GRK5: variants seen among roughly 807,000 people sequenced by gnomAD.
GRK5 encodes the protein g protein-coupled receptor kinase GRK5.
GRK5 carries 40 observed loss-of-function variants against 78.4 expected under a neutral mutation model. That is an observed-to-expected ratio of 0.51 (90% CI 0.40 to 0.66). The LOEUF is 0.66. Among genes scored for constraint, GRK5 ranks in the 30% least tolerant of loss-of-function variants. GRK5 has a pLI of 0.00. For synonymous variants in GRK5, 289 were observed against 296.8 expected (o/e 0.97, Z 0.27); for missense variants, 598 against 759.9 (o/e 0.79, Z 2.50).
chr10:119,233,437 G>A (rs954858835), intron 1 of GRK5, among the ~76,000 whole-genome samples: 2 of 152,116 alleles, frequency 1.3e-5, no homozygotes, highest in Non-Finnish European at 2.9e-5. Flanking sequence ...AGGGAAACTT[G>A]GAGCTCTTGG....
chr10:119,433,715 C>T (rs963735590), intron 8 of GRK5, among the ~76,000 whole-genome samples: 4 of 152,198 alleles, frequency 2.6e-5, no homozygotes, highest in African/African-American at 9.7e-5. Context: ...TGTGTGCCAC[C>T]TCCCTATGTG....
chr10:119,215,093 A>C (rs1221325046), intron 1 of GRK5, among the ~76,000 whole-genome samples: 1 of 152,226 alleles, frequency 6.6e-6, no homozygotes, highest in Non-Finnish European at 1.5e-5. Context: ...GGAATGACCG[A>C]AAAGATTAAA....
At chr10:119,416,580 T>G (rs1044925057) in intron 4 of GRK5, among the ~76,000 whole-genome samples, 1 of 37,998 alleles carries the variant, frequency 2.6e-5, no homozygotes, top group Non-Finnish European at 4.4e-5. Flanking sequence ...TTGATCGCTC[T>G]CTCTCTCTCT....
intron 6 of GRK5, among the ~76,000 whole-genome samples, chr10:119,429,862 G>A (rs1852780031): frequency 6.6e-6 from 1 of 152,148 alleles, no homozygotes; most frequent in African/African-American, 2.4e-5. Flanking sequence ...GTGCCCTCAG[G>A]AAGGAATAAG....
intron 1 of GRK5, among the ~76,000 whole-genome samples, chr10:119,307,827 T>C (rs73445476): frequency 0.022 from 3,296 of 152,232 alleles, 133 homozygotes; most frequent in African/African-American, 0.076. Context: ...GGTAACAACC[T>C]CATCTTGCCA....
rs150429462 is a variant in GRK5 at position 119,285,900 on chromosome 10, G to A, written c.53-40616G>A. Among the ~76,000 whole-genome samples the A allele has an allele frequency of 7.9e-5, 12 of 152,156 alleles. No individual in the cohort carries two copies. The East Asian group carries it at 2.3e-3, about 29-fold the overall frequency. ...TGACTTCCTGGCAGAACGTCCTTGG[G>A]CAAGGCTCAGCTTCCCTGTCTGCAA... On this transcript the variant is annotated intron_variant, in intron 1 of 15. Transcript: ENST00000392870.
chr10:119,395,449 G>A (rs966749638), intron 3 of GRK5, among the ~76,000 whole-genome samples: 5 of 152,188 alleles, frequency 3.3e-5, no homozygotes, highest in African/African-American at 4.8e-5. Flanking sequence ...CTGCATGGTG[G>A]GACGCCTGGG....
At chr10:119,405,850 C>T (rs757519610) in intron 4 of GRK5, among the ~76,000 whole-genome samples, 2 of 152,168 alleles carry the variant, frequency 1.3e-5, no homozygotes, top group African/African-American at 2.4e-5. Flanking sequence ...ACCTATACAA[C>T]GATTTTCTTT....
Position 119,379,091 on chromosome 10 carries a change from T to C in GRK5, c.149-1724T>C, listed in dbSNP as rs1483922367. Among the ~76,000 whole-genome samples, 1 of 152,156 alleles carries C rather than the reference T, an allele frequency of 6.6e-6. No homozygotes were observed. The highest frequency in any genetic ancestry group is 2.4e-5 in the African/African-American group (1 of 41,428). Reference sequence around the variant, plus strand: ...TGGTGCAGACTGGGAGAAAGGAGGTTCCCTAAAGGAAAGGGAGATGGAACA... The same window carrying C: ...TGGTGCAGACTGGGAGAAAGGAGGTCCCCTAAAGGAAAGGGAGATGGAACA... On this transcript the variant is annotated intron_variant, in intron 2 of 15. Coordinates refer to ENST00000392870, the MANE Select transcript of GRK5 (RefSeq NM_005308.3). This position sits in a 1 kb window ranked among gnomAD's most constrained non-coding sequence, Gnocchi z 4.1.
chr10:119,251,998 C>G (rs1849211103), intron 1 of GRK5, among the ~76,000 whole-genome samples: 1 of 152,202 alleles, frequency 6.6e-6, no homozygotes, highest in African/African-American at 2.4e-5. Context: ...CCCTCCCTGC[C>G]TTGAGATATT....
intron 2 of GRK5, among the ~76,000 whole-genome samples, chr10:119,361,219 A>C (rs985418325): frequency 1.3e-5 from 2 of 152,220 alleles, no homozygotes; most frequent in African/African-American, 4.8e-5. Context: ...ATGGCGCATC[A>C]GAGGTGCGGC....
chr10:119,427,470 C>CCGCCATCAGCAT (rs1852715717), intron 6 of GRK5, among the ~76,000 whole-genome samples: 3 of 151,762 alleles, frequency 2.0e-5, no homozygotes, highest in African/African-American at 7.3e-5. Context: ...ATCAGCATCA[C>CCGCCATCAGCAT]CACCATCATC....
chr10:119,255,395 A>G (rs1175957946), intron 1 of GRK5, among the ~76,000 whole-genome samples: 2 of 152,200 alleles, frequency 1.3e-5, no homozygotes, highest in African/African-American at 2.4e-5. Flanking sequence ...GCTTTGTCAC[A>G]TCGACTTCAC....
At chr10:119,408,163 CAAAAAAAA>C (rs34029208) in intron 4 of GRK5, among the ~76,000 whole-genome samples, 1,334 of 73,944 alleles carry the variant, frequency 0.018, 33 homozygotes, top group African/African-American at 0.066. Flanking sequence ...AACTCCATCT[CAAAAAAAA>C]AAAAAAAAAA....
chr10:119,282,043 C>T lies in GRK5; in HGVS notation c.53-44473C>T, dbSNP rs185455892. On this transcript the variant is annotated intron_variant, in intron 1 of 15. Transcript: ENST00000392870. ...TCCCCTCCTTGGTCTGCGTCTCTTG[C>T]TCTGCTGGCCACTGTCGCTTTCTGT... 3.0e-3 allele frequency among the ~76,000 whole-genome samples: 456 copies of T among 152,250 alleles called. 2 individuals carry two copies. Among genetic ancestry groups the T allele is most frequent in the Non-Finnish European group, 4.8e-3 (326 of 68,020 alleles).
At chr10:119,366,697 C>G (rs557892587) in intron 2 of GRK5, among the ~76,000 whole-genome samples, 4 of 152,188 alleles carry the variant, frequency 2.6e-5, no homozygotes, top group Non-Finnish European at 5.9e-5. Flanking sequence ...AATTGATTGA[C>G]CAATAGGTCA....
intron 3 of GRK5, among the ~76,000 whole-genome samples, chr10:119,394,206 CTGTGTGTGGGTA>C (rs1851947219): frequency 4.4e-5 from 1 of 22,654 alleles, no homozygotes; most frequent in Non-Finnish European, 9.5e-5. Flanking sequence ...GGGTGTGTAT[CTGTGTGTGGGTA>C]CGTGTGGGTG....
intron 1 of GRK5, among the ~76,000 whole-genome samples, chr10:119,258,933 G>C (rs1022129222): frequency 2.6e-5 from 4 of 152,152 alleles, no homozygotes; most frequent in African/African-American, 9.7e-5. Context: ...AGCTGGCTTT[G>C]CTGGCTTTGG....
At chr10:119,420,636 T>C (rs772314416) in intron 4 of GRK5, among the ~76,000 whole-genome samples, 5 of 151,580 alleles carry the variant, frequency 3.3e-5, no homozygotes, top group Non-Finnish European at 5.9e-5. Flanking sequence ...TGTAGTGCAG[T>C]GGTGTGATCA....
Sources: allele counts gnomAD v4.1 joint callset (sites outside exome capture counted in the v4.1 genomes callset), GRCh38; gene constraint gnomAD v4.1.1; non-coding constraint Gnocchi (gnomAD v3.1); transcripts MANE v1.5; gene names NCBI Gene and HGNC (gene_info 2026-07-23, HGNC 2026-07-21).